Variants in GOLPH3 observed in about 807,000 individuals in gnomAD.
GOLPH3 encodes the protein coat protein GPP34.
A neutral mutation model predicts 28.5 loss-of-function variants in GOLPH3; 14 were observed. That is an observed-to-expected ratio of 0.49 (90% CI 0.32 to 0.77). The LOEUF is 0.77. GOLPH3 is among the 30% of genes least tolerant of loss of function. GOLPH3 has a pLI of 0.03. For missense variants in GOLPH3, 350 were observed against 393.7 expected (o/e 0.89, Z 0.94); for synonymous variants, 158 against 159.2 (o/e 0.99, Z 0.06).
chr5:32,128,398 C>A (rs1470967609), intron 3 of GOLPH3, among the ~76,000 whole-genome samples: 1 of 152,166 alleles, frequency 6.6e-6, no homozygotes, highest in Non-Finnish European at 1.5e-5. Flanking sequence ...TGGCTCAAAC[C>A]TGTAATCCCA....
intron 1 of GOLPH3, among the ~76,000 whole-genome samples, chr5:32,154,081 C>A (rs1333057772): frequency 2.0e-5 from 3 of 152,046 alleles, no homozygotes; most frequent in African/African-American, 4.8e-5. Context: ...AAAAGTGAGA[C>A]AATTTAAACA....
At chr5:32,134,895 C>A (rs946954299) in intron 3 of GOLPH3, 15 of 152,160 alleles carry the variant, frequency 9.9e-5, no homozygotes, top group African/African-American at 3.6e-4. Flanking sequence ...TTTATAAATT[C>A]TGCTTATCTG....
At chr5:32,140,779 G>A (rs1387513185) in intron 2 of GOLPH3, among the ~76,000 whole-genome samples, 2 of 149,160 alleles carry the variant, frequency 1.3e-5, no homozygotes. Flanking sequence ...TCCTGCCCAG[G>A]CAATGGAGTG....
intron 1 of GOLPH3, among the ~76,000 whole-genome samples, chr5:32,160,568 A>G (rs1032806220): frequency 6.6e-6 from 1 of 152,242 alleles, no homozygotes; most frequent in African/African-American, 2.4e-5. Context: ...CACTCATTCT[A>G]AAGACAAACA....
intron 1 of GOLPH3, among the ~76,000 whole-genome samples, chr5:32,163,517 G>A (rs1044361423): frequency 6.6e-6 from 1 of 152,160 alleles, no homozygotes; most frequent in Non-Finnish European, 1.5e-5. Flanking sequence ...AGCTGGGCAT[G>A]GTGGCATGTG....
In GOLPH3 at chr5:32,142,486, C is replaced by G. The variant is rs550511709; in HGVS notation, c.357+1263G>C. ...CGGGAGGGAGGTGGGGGGGTCAGCC[C>G]CCCACCCAGCCAGCCGCCCCGTCCG... On this transcript the variant is annotated intron_variant, in intron 2 of 3. Coordinates refer to ENST00000265070, the MANE Select transcript of GOLPH3 (RefSeq NM_022130.4). 5.3e-4 allele frequency among the ~76,000 whole-genome samples: 80 copies of G among 150,006 alleles called. 1 individual carries two copies. In the South Asian group the frequency reaches 0.016, roughly 31 times the overall value.
chr5:32,166,807 T>TAA (rs79462316), intron 1 of GOLPH3, among the ~76,000 whole-genome samples: 14 of 135,962 alleles, frequency 1.0e-4, no homozygotes, highest in South Asian at 9.4e-4. Flanking sequence ...GACTCCATCT[T>TAA]AAAAAAAAAA....
chr5:32,126,962 A>G (rs1244923116), intron 3 of GOLPH3, among the ~76,000 whole-genome samples: 1 of 152,208 alleles, frequency 6.6e-6, no homozygotes, highest in Non-Finnish European at 1.5e-5. Flanking sequence ...GTCAAAAAGC[A>G]GCCAATAGCC....
At chr5:32,173,269 A>C (rs539008629) in intron 1 of GOLPH3, among the ~76,000 whole-genome samples, 1 of 152,040 alleles carries the variant, frequency 6.6e-6, no homozygotes, top group Admixed American at 6.6e-5. Context: ...TTACTCAGTA[A>C]AAGAGCTTTT....
intron 1 of GOLPH3, among the ~76,000 whole-genome samples, chr5:32,146,716 C>A (rs1746185351): frequency 6.6e-6 from 1 of 152,104 alleles, no homozygotes; most frequent in Admixed American, 6.6e-5. Context: ...TAAGATTTTC[C>A]TTATATGTTA....
intron 1 of GOLPH3, among the ~76,000 whole-genome samples, chr5:32,172,849 G>A (rs907239074): frequency 2.0e-5 from 3 of 152,194 alleles, no homozygotes; most frequent in African/African-American, 4.8e-5. Flanking sequence ...CAACAAGAGC[G>A]AAACTCCGTC....
intron 3 of GOLPH3, 33 bp from the exon 4 acceptor site, chr5:32,126,669 G>A (rs1487083420): frequency 1.9e-6 from 3 of 1,559,626 alleles, no homozygotes; most frequent in East Asian, 4.5e-5. Context: ...TAGAAATGAT[G>A]AGTATTATCT....
At chr5:32,156,833 T>G (rs1041639010) in intron 1 of GOLPH3, among the ~76,000 whole-genome samples, 4 of 152,194 alleles carry the variant, frequency 2.6e-5, no homozygotes, top group Non-Finnish European at 4.4e-5. Context: ...CCTCCTGCTG[T>G]GCAACCTAGT....
intron 3 of GOLPH3, 104 bp downstream of exon 3, chr5:32,135,464 ATAAC>A: frequency 1.5e-6 from 1 of 683,788 alleles, no homozygotes; most frequent in Non-Finnish European, 2.6e-6. Flanking sequence ...GTTTGCCTAA[ATAAC>A]TAAACAAGCT....
chr5:32,157,714 C>A (rs571789974), intron 1 of GOLPH3, among the ~76,000 whole-genome samples: 6 of 152,226 alleles, frequency 3.9e-5, no homozygotes, highest in Non-Finnish European at 5.9e-5. Context: ...TAGTGGCTCA[C>A]GCCTCTAATC....
At chr5:32,158,023 T>TACAC (rs368465798) in intron 1 of GOLPH3, among the ~76,000 whole-genome samples, 1,459 of 26,740 alleles carry the variant, frequency 0.055, 166 homozygotes, top group Non-Finnish European at 0.069. Context: ...ATAAATAAAA[T>TACAC]ACACACACAC....
chr5:32,124,761 AAGAT>A lies in GOLPH3; in HGVS notation c.*1447_*1450del, dbSNP rs1745637043. On this transcript the variant is annotated 3_prime_UTR_variant, in exon 4 of 4. Transcript: ENST00000265070. ...TTGTTTATTTATTACTTCAGATAAA[AAGAT>A]AGTATACATATTAGGGAATCCCTTA... 6.6e-6 allele frequency: 1 copy of A among 152,442 alleles called. No individual in the cohort carries two copies. The highest frequency in any genetic ancestry group is 1.5e-5 in the Non-Finnish European group (1 of 68,038). The allele number at this position is 152,442 out of a possible 1,614,324, so 9.4% of individuals were successfully genotyped here.
rs1308648161 is a variant in GOLPH3, at chr5:32,158,132, T to TAAAATACAC, written c.226-14253_226-14252insGTGTATTTT. Among the ~76,000 whole-genome samples, 15 of 33,684 alleles carry TAAAATACAC rather than the reference T, an allele frequency of 4.5e-4. 1 individual carries two copies. The highest frequency in any genetic ancestry group is 1.6e-3 in the African/African-American group (13 of 8,322). The allele number at this position is 33,684 out of a possible 152,430, so 22.1% of individuals were successfully genotyped here. A position where few individuals can be genotyped will look rare whatever the true frequency, so the allele number is the denominator to read the frequency against. ...TAAATAAATAAATAAATAAATAAAA[T>TAAAATACAC]ACACACACACACACACACACACACA... On this transcript the variant is annotated intron_variant, in intron 1 of 3. Coordinates refer to ENST00000265070, the MANE Select transcript of GOLPH3 (RefSeq NM_022130.4).
At chr5:32,167,114 A>G (rs9800145) in intron 1 of GOLPH3, among the ~76,000 whole-genome samples, 70,718 of 151,864 alleles carry the variant, frequency 0.47, 17,913 homozygotes, top group African/African-American at 0.68. Context: ...TTAAATATCA[A>G]AAAAATCCCC....
Sources: gnomAD v4.1 joint callset for allele counts (sites outside exome capture counted in the v4.1 genomes callset) on GRCh38, gnomAD v4.1.1 for gene constraint, MANE v1.5 for transcripts, NCBI Gene and HGNC (gene_info 2026-07-23, HGNC 2026-07-21) for gene names.